The following HEMK2 variants were observed in gnomAD, a reference collection of about 807,000 sequenced individuals.
The protein encoded by HEMK2 is HemK methyltransferase 2, ETF1 glutamine and histone H4 lysine.
At chr21:28,841,033 TATATTATATATAAATAA>T in the HEMK2 span, among the ~76,000 whole-genome samples, 15 of 102,708 alleles carry the variant, frequency 1.5e-4, 1 homozygote, top group East Asian at 9.7e-4. Flanking sequence ...ATAAATATTA[TATATTATATATAAATAA>T]ATATTATATA....
the HEMK2 span, among the ~76,000 whole-genome samples, chr21:28,871,504 T>C: frequency 6.6e-6 from 1 of 152,192 alleles, no homozygotes; most frequent in African/African-American, 2.4e-5. Context: ...GGGATTAAAA[T>C]TCAACATGAG....
the HEMK2 span, among the ~76,000 whole-genome samples, chr21:28,843,204 C>T: frequency 6.6e-6 from 1 of 152,094 alleles, no homozygotes; most frequent in Admixed American, 6.6e-5. Flanking sequence ...CATTTTCACA[C>T]TGCTATAAAG....
chr21:28,746,212 A>G, the HEMK2 span, among the ~76,000 whole-genome samples: 6 of 152,214 alleles, frequency 3.9e-5, no homozygotes. Flanking sequence ...AACAGCTGAT[A>G]TTTATTTGGA....
chr21:28,597,151 G>C, the HEMK2 span, among the ~76,000 whole-genome samples: 4 of 152,110 alleles, frequency 2.6e-5, no homozygotes, highest in African/African-American at 9.7e-5. Context: ...AAGGGAACAA[G>C]AATGTAAATG....
At chr21:28,638,426 A>AT in the HEMK2 span, among the ~76,000 whole-genome samples, 1 of 152,174 alleles carries the variant, frequency 6.6e-6, no homozygotes, top group Non-Finnish European at 1.5e-5. Flanking sequence ...GTACAGATTA[A>AT]TAAGAGCTAA....
At chr21:28,653,728 C>T in the HEMK2 span, among the ~76,000 whole-genome samples, 1 of 152,160 alleles carries the variant, frequency 6.6e-6, no homozygotes, top group Non-Finnish European at 1.5e-5. Flanking sequence ...ACCCCTGATA[C>T]AAGCACTGAT....
the HEMK2 span, among the ~76,000 whole-genome samples, chr21:28,595,531 T>C: frequency 0.034 from 5,142 of 152,308 alleles, 126 homozygotes; most frequent in African/African-American, 0.063. Flanking sequence ...TATAGCTAAA[T>C]AGTACTCCAT....
At chr21:28,617,824 C>T in the HEMK2 span, among the ~76,000 whole-genome samples, 5 of 149,816 alleles carry the variant, frequency 3.3e-5, no homozygotes, top group Admixed American at 6.7e-5. Context: ...GTCTCATTCC[C>T]GTCACCCAGG....
At chr21:28,740,270 T>C in the HEMK2 span, among the ~76,000 whole-genome samples, 13 of 152,354 alleles carry the variant, frequency 8.5e-5, no homozygotes, top group East Asian at 1.9e-3. Context: ...TTTGTCTATT[T>C]GTGTAGCCCA....
chr21:28,750,559 G>A, the HEMK2 span, among the ~76,000 whole-genome samples: 68 of 152,144 alleles, frequency 4.5e-4, no homozygotes, highest in African/African-American at 1.6e-3. Flanking sequence ...AAACTAGCTG[G>A]ATGTGGTGAT....
At chr21:28,714,515 G>A in the HEMK2 span, among the ~76,000 whole-genome samples, 2 of 152,142 alleles carry the variant, frequency 1.3e-5, no homozygotes, top group African/African-American at 4.8e-5. Context: ...CTCCAGGTTG[G>A]AAACAATGAA....
chr21:28,626,080 C>T, the HEMK2 span, among the ~76,000 whole-genome samples: 16 of 151,752 alleles, frequency 1.1e-4, no homozygotes, highest in African/African-American at 3.6e-4. Context: ...ATAACAAATA[C>T]ATTTTTATTG....
chr21:28,596,657 A>T, the HEMK2 span, among the ~76,000 whole-genome samples: 4 of 152,198 alleles, frequency 2.6e-5, no homozygotes, highest in Non-Finnish European at 5.9e-5. Flanking sequence ...GAAAACTACA[A>T]ATGGAATTAC....
At chr21:28,859,472 T>C in the HEMK2 span, among the ~76,000 whole-genome samples, 8 of 152,340 alleles carry the variant, frequency 5.3e-5, no homozygotes, top group Middle Eastern at 3.4e-3. Flanking sequence ...ACTGAGTTAT[T>C]TGAGAAATCA....
the HEMK2 span, among the ~76,000 whole-genome samples, chr21:28,877,478 GAGAA>G: frequency 4.8e-5 from 7 of 147,134 alleles, no homozygotes; most frequent in African/African-American, 1.8e-4. Flanking sequence ...AAGAAGAGAA[GAGAA>G]AGAGAAAGAA....
chr21:28,854,016 A>G, the HEMK2 span, among the ~76,000 whole-genome samples: 3 of 152,138 alleles, frequency 2.0e-5, no homozygotes, highest in Non-Finnish European at 2.9e-5. Flanking sequence ...TCTCGACAGG[A>G]GATAAGACTC....
chr21:28,759,079 T>C, the HEMK2 span, among the ~76,000 whole-genome samples: 7 of 152,332 alleles, frequency 4.6e-5, no homozygotes, highest in Non-Finnish European at 7.4e-5. Context: ...TTTCTGGGCA[T>C]GCAATCTGTG....
chr21:28,694,360 C>T, the HEMK2 span, among the ~76,000 whole-genome samples: 1 of 152,296 alleles, frequency 6.6e-6, no homozygotes, highest in African/African-American at 2.4e-5. Flanking sequence ...TCTTTGAATG[C>T]TCTAAGTACT....
the HEMK2 span, among the ~76,000 whole-genome samples, chr21:28,847,475 C>A: frequency 6.6e-6 from 1 of 151,982 alleles, no homozygotes; most frequent in African/African-American, 2.4e-5. Flanking sequence ...AAGTTATTTG[C>A]TTTTTGCTTG....
Sources: gnomAD v4.1 joint callset for allele counts (sites outside exome capture counted in the v4.1 genomes callset) on GRCh38, gnomAD v4.1.1 for gene constraint, MANE v1.5 for transcripts, NCBI Gene and HGNC (gene_info 2026-07-23, HGNC 2026-07-21) for gene names.